CHST9: variants seen among roughly 807,000 people sequenced by gnomAD.
The protein encoded by CHST9 is carbohydrate sulfotransferase 9, also known as GalNAc-4-sulfotransferase 2.
Under a neutral mutation model 44.4 loss-of-function variants are expected in CHST9, and 41 were observed. That is an observed-to-expected ratio of 0.92 (90% CI 0.72 to 1.20). The LOEUF is 1.20. CHST9 is among the 50% of genes most tolerant of loss of function. The pLI, the probability that CHST9 is intolerant of heterozygous loss-of-function variation, is 0.00. For synonymous variants in CHST9, 171 were observed against 178.4 expected, an observed-to-expected ratio of 0.96 and a Z score of 0.33; for missense variants, 504 against 516.5, an observed-to-expected ratio of 0.98 and a Z score of 0.23.
chr18:27,076,041 C>T (rs182810314), intron 2 of CHST9, among the ~76,000 whole-genome samples: 4 of 152,162 alleles, frequency 2.6e-5, no homozygotes, highest in African/African-American at 9.7e-5. Context: ...TGTGTCATTA[C>T]CATTGTTATC....
chr18:27,121,874 A>G (rs1314888703), intron 2 of CHST9, among the ~76,000 whole-genome samples: 1 of 152,226 alleles, frequency 6.6e-6, no homozygotes, highest in Non-Finnish European at 1.5e-5. Context: ...CTATTAATGT[A>G]TTTATTAGTT....
chr18:27,100,687 A>C (rs1364324025), intron 2 of CHST9, among the ~76,000 whole-genome samples: 1 of 152,250 alleles, frequency 6.6e-6, no homozygotes, highest in Non-Finnish European at 1.5e-5. Flanking sequence ...GTAAAAATAA[A>C]GTTGAACAGA....
chr18:27,054,415 C>A (rs1355508847), intron 2 of CHST9, among the ~76,000 whole-genome samples: 2 of 152,028 alleles, frequency 1.3e-5, no homozygotes, highest in South Asian at 2.1e-4. Context: ...ACTCCACTTG[C>A]GATGAATAAA....
chr18:27,060,339 T>C (rs972311252), intron 2 of CHST9, among the ~76,000 whole-genome samples: 4 of 152,112 alleles, frequency 2.6e-5, no homozygotes, highest in Non-Finnish European at 5.9e-5. Context: ...AAGAGAAATA[T>C]TGTCTGAATG....
At chr18:26,978,285 A>G (rs200108451) in intron 4 of CHST9, among the ~76,000 whole-genome samples, 371 of 150,320 alleles carry the variant, frequency 2.5e-3, no homozygotes, top group Middle Eastern at 3.4e-3. Context: ...GAGTGTGTGT[A>G]TGTGTGTGTG....
chr18:27,129,481 C>T (rs768434527), intron 2 of CHST9, among the ~76,000 whole-genome samples: 19 of 152,034 alleles, frequency 1.2e-4, no homozygotes, highest in Non-Finnish European at 2.6e-4. Context: ...CAACTGCCAC[C>T]TCCTGAGTTC....
intron 1 of CHST9, among the ~76,000 whole-genome samples, chr18:27,164,906 T>C (rs904942316): frequency 2.0e-5 from 3 of 152,190 alleles, no homozygotes; most frequent in Admixed American, 6.5e-5. Context: ...ATCAAGGTTG[T>C]GTGTGTAAAA....
intron 2 of CHST9, among the ~76,000 whole-genome samples, chr18:27,118,058 G>A (rs889413108): frequency 1.2e-4 from 18 of 152,180 alleles, no homozygotes; most frequent in Admixed American, 7.9e-4. Flanking sequence ...AGCATTTGTG[G>A]TGTCAGTGTT....
intron 4 of CHST9, among the ~76,000 whole-genome samples, chr18:27,015,080 G>A (rs2057135447): frequency 6.6e-6 from 1 of 151,968 alleles, no homozygotes; most frequent in South Asian, 2.1e-4. Flanking sequence ...CTAAAACTAG[G>A]TTTTAGTTAT....
chr18:26,991,165 A>G (rs367956501), intron 4 of CHST9, among the ~76,000 whole-genome samples: 104 of 152,342 alleles, frequency 6.8e-4, no homozygotes, highest in Middle Eastern at 3.4e-3. Context: ...ACTTCTTAAG[A>G]GGCTATGGCA....
intron 2 of CHST9, among the ~76,000 whole-genome samples, chr18:27,057,184 T>C (rs1416210541): frequency 1.3e-5 from 2 of 152,218 alleles, no homozygotes; most frequent in Non-Finnish European, 2.9e-5. Flanking sequence ...TCTTGCAAGA[T>C]TCAATGGTCT....
intron 4 of CHST9, among the ~76,000 whole-genome samples, chr18:26,961,243 T>C (rs1369136613): frequency 6.6e-6 from 1 of 152,214 alleles, no homozygotes; most frequent in African/African-American, 2.4e-5. Context: ...GTCATATCTG[T>C]ATGTAAGGCT....
chr18:27,017,086 C>T (rs938998814), intron 4 of CHST9, among the ~76,000 whole-genome samples: 1 of 152,108 alleles, frequency 6.6e-6, no homozygotes, highest in Admixed American at 6.5e-5. Context: ...GTACTTCAAG[C>T]CTGACAATTT....
intron 4 of CHST9, among the ~76,000 whole-genome samples, chr18:27,018,805 C>G (rs114298765): frequency 6.6e-6 from 1 of 152,128 alleles, no homozygotes; most frequent in African/African-American, 2.4e-5. Context: ...TTCAGGCTGA[C>G]GGTGGGAAAC....
At chr18:27,155,166 TAA>T (rs2058689619) in intron 1 of CHST9, among the ~76,000 whole-genome samples, 1 of 148,758 alleles carries the variant, frequency 6.7e-6, no homozygotes, top group Non-Finnish European at 1.5e-5. Flanking sequence ...GCCCCTACCA[TAA>T]AAGGCTGCTG....
At position 27,020,710 on chromosome 18, in the gene CHST9, C is replaced by T. The variant is rs558442636; in HGVS notation, c.202+3406G>A. 1.6e-4 allele frequency among the ~76,000 whole-genome samples: 24 copies of T among 152,272 alleles called. No homozygotes were observed. The East Asian group carries it at 3.5e-3, about 22-fold the overall frequency. ...TATTAATTAAAATAGGAGTCAATAA[C>T]ATGCAAGATATAGCCTATATTTCCT... On this transcript the variant is annotated intron_variant, in intron 4 of 5. Coordinates refer to ENST00000618847, the MANE Select transcript of CHST9 (RefSeq NM_031422.6).
chr18:26,973,193 C>T (rs796113363), intron 4 of CHST9, among the ~76,000 whole-genome samples: 4 of 152,280 alleles, frequency 2.6e-5, no homozygotes, highest in Admixed American at 6.5e-5. Flanking sequence ...GTCTGCAGTC[C>T]TATAGTTTAC....
intron 2 of CHST9, among the ~76,000 whole-genome samples, chr18:27,051,343 A>C (rs190493956): frequency 4.1e-4 from 62 of 151,614 alleles, no homozygotes; most frequent in African/African-American, 1.5e-3. Flanking sequence ...CACTTAAACC[A>C]AGGAGTTTGA....
intron 2 of CHST9, among the ~76,000 whole-genome samples, chr18:27,051,959 C>T (rs1019999096): frequency 1.3e-5 from 2 of 152,068 alleles, no homozygotes; most frequent in Non-Finnish European, 2.9e-5. Context: ...GAGGATGAAA[C>T]AATTCCATAT....
Sources: allele counts gnomAD v4.1 joint callset (sites outside exome capture counted in the v4.1 genomes callset), GRCh38; gene constraint gnomAD v4.1.1; transcripts MANE v1.5; gene names NCBI Gene and HGNC (gene_info 2026-07-23, HGNC 2026-07-21).